ALK: variants seen among roughly 807,000 people sequenced by gnomAD.
ALK encodes ALK tyrosine kinase receptor.
In ALK, 74 loss-of-function variants were observed where a neutral mutation model predicts 163.1. That is an observed-to-expected ratio of 0.45 (90% CI 0.38 to 0.55). ALK has a LOEUF of 0.55. ALK is among the 20% of genes least tolerant of loss of function. The pLI, the probability that ALK is intolerant of heterozygous loss-of-function variation, is 0.00. For missense variants in ALK, 2,063 were observed against 2,105.3 expected (o/e 0.98, Z 0.39); for synonymous variants, 960 against 843.2 (o/e 1.14, Z -2.40).
chr2:29,405,098 A>C (rs1046238890), intron 4 of ALK, among the ~76,000 whole-genome samples: 35 of 152,198 alleles, frequency 2.3e-4, no homozygotes, highest in African/African-American at 8.2e-4. Flanking sequence ...TCTTTTTGAC[A>C]ATGTCTCTTT....
At chr2:29,746,155 T>C (rs1680203175) in intron 1 of ALK, among the ~76,000 whole-genome samples, 2 of 152,098 alleles carry the variant, frequency 1.3e-5, no homozygotes, top group African/African-American at 4.8e-5. Context: ...CTAACACCAC[T>C]AGAAAGAAGC....
At chr2:29,643,631 A>G (rs2148247546) in intron 3 of ALK, among the ~76,000 whole-genome samples, 1 of 152,302 alleles carries the variant, frequency 6.6e-6, no homozygotes, top group East Asian at 1.9e-4. Flanking sequence ...GAGGCCATTT[A>G]TAACTGTGGC....
intron 1 of ALK, among the ~76,000 whole-genome samples, chr2:29,760,160 C>T (rs926644748): frequency 6.6e-6 from 1 of 151,990 alleles, no homozygotes; most frequent in Non-Finnish European, 1.5e-5. Flanking sequence ...CTAGCCAGTG[C>T]CCCCCTACAC....
At chr2:29,355,337 A>G (rs1042877076) in intron 5 of ALK, among the ~76,000 whole-genome samples, 6 of 152,138 alleles carry the variant, frequency 3.9e-5, no homozygotes, top group Admixed American at 3.3e-4. Context: ...AGGTCCCCAC[A>G]TTCCCACTCC....
In ALK at chr2:29,229,045, T is replaced by C. The variant is rs745406091; in HGVS notation, c.2654A>G (p.Asp885Gly). 3.3e-5 allele frequency: 54 copies of C among 1,613,512 alleles called. No homozygotes were observed. The highest frequency in any genetic ancestry group is 1.6e-4 in the Middle Eastern group (1 of 6,084). ...GAAGGGGGWN[D>G]NTSLLWAGKS... Reference sequence around the variant, plus strand: ...TCCGGCCCAGAGCAAGGAAGTGTTATCATTCCAGCCACCTCCACCACCTGC... The same window carrying C: ...TCCGGCCCAGAGCAAGGAAGTGTTACCATTCCAGCCACCTCCACCACCTGC... Residue 885 changes from aspartate (D) to glycine (G), a missense_variant, in exon 16 of 29, where the codon GAT (aspartate) becomes GGT (glycine). This residue lies in a region of ALK where 575 missense variants were observed against 626.6 expected (regional missense o/e 0.92). Coordinates refer to ENST00000389048, the MANE Select transcript of ALK (RefSeq NM_004304.5).
At chr2:29,576,370 T>C (rs1217845643) in intron 3 of ALK, among the ~76,000 whole-genome samples, 1 of 152,180 alleles carries the variant, frequency 6.6e-6, no homozygotes, top group African/African-American at 2.4e-5. Flanking sequence ...TGGGTGTTGC[T>C]CTACATTTTC....
chr2:29,629,585 T>G (rs1221048190), intron 3 of ALK, among the ~76,000 whole-genome samples: 1 of 152,190 alleles, frequency 6.6e-6, no homozygotes, highest in Non-Finnish European at 1.5e-5. Context: ...CTAGCACAGA[T>G]TCTAAGAAAT....
At chr2:29,396,492 G>A (rs1291272282) in intron 4 of ALK, among the ~76,000 whole-genome samples, 1 of 152,092 alleles carries the variant, frequency 6.6e-6, no homozygotes, top group Non-Finnish European at 1.5e-5. Context: ...TGACCAACAT[G>A]GTGAAACCCT....
At chr2:29,721,072 A>G (rs938998443) in intron 1 of ALK, among the ~76,000 whole-genome samples, 1 of 152,216 alleles carries the variant, frequency 6.6e-6, no homozygotes, top group African/African-American at 2.4e-5. Context: ...AAGGAGGAAG[A>G]AATATACCTG....
intron 4 of ALK, among the ~76,000 whole-genome samples, chr2:29,507,538 C>T (rs10203670): frequency 0.16 from 23,922 of 152,126 alleles, 2,565 homozygotes; most frequent in African/African-American, 0.3. Context: ...ATTTTATGTG[C>T]ATTTTACCAC....
intron 3 of ALK, among the ~76,000 whole-genome samples, chr2:29,622,758 A>G (rs776691860): frequency 9.9e-5 from 15 of 152,012 alleles, no homozygotes; most frequent in Non-Finnish European, 2.1e-4. Flanking sequence ...TTCCCTTTGT[A>G]TGGAACAACC....
chr2:29,532,086 T>A lies in ALK; in HGVS notation c.983A>T (p.Asp328Val), dbSNP rs556138942. The A allele has an allele frequency of 6.2e-7, 1 of 1,612,380 alleles. No individual in the cohort carries two copies. Among genetic ancestry groups the A allele is most frequent in the Non-Finnish European group, 8.5e-7 (1 of 1,179,726 alleles). Residue 328 changes from aspartate to valine, a missense_variant, in exon 4 of 29, where the codon GAC becomes GTC. By Grantham distance (152) the Asp-to-Val change is radical (BLOSUM62 -3). Around this residue, in one of 5 missense-constraint regions of ALK, gnomAD observed 987 missense variants for 939.5 expected, o/e 1.05. Coordinates refer to ENST00000389048, the MANE Select transcript of ALK (RefSeq NM_004304.5). ...CGGACTCAGGATGGTGTGCTTGGAG[T>A]CAGCTGAGGTGTTGAGAAGGAGAAA... ...GSFLLLNTSA[D>V]SKHTILSPWM...
intron 5 of ALK, among the ~76,000 whole-genome samples, chr2:29,365,134 AG>A (rs1195488119): frequency 6.6e-6 from 1 of 152,208 alleles, no homozygotes; most frequent in East Asian, 1.9e-4. Flanking sequence ...TTTACCATCT[AG>A]ATTAGCAGGA....
chr2:29,496,640 A>G (rs1196295415), intron 4 of ALK, among the ~76,000 whole-genome samples: 4 of 152,230 alleles, frequency 2.6e-5, no homozygotes, highest in Non-Finnish European at 5.9e-5. Flanking sequence ...GCAATCATAT[A>G]TAAGTTTATG....
intron 4 of ALK, among the ~76,000 whole-genome samples, chr2:29,471,740 CTTT>C (rs112148653): frequency 2.1e-5 from 3 of 145,650 alleles, no homozygotes; most frequent in Non-Finnish European, 1.5e-5. Flanking sequence ...ACTTTCTTTT[CTTT>C]TTTTTTTTTT....
At chr2:29,393,000 C>T (rs1246752349) in intron 4 of ALK, among the ~76,000 whole-genome samples, 1 of 151,948 alleles carries the variant, frequency 6.6e-6, no homozygotes, top group Non-Finnish European at 1.5e-5. Context: ...ACTGAATGCT[C>T]AAGGTCACTG....
At chr2:29,314,947 C>G (rs921464530) in intron 8 of ALK, among the ~76,000 whole-genome samples, 1 of 152,164 alleles carries the variant, frequency 6.6e-6, no homozygotes, top group African/African-American at 2.4e-5. Flanking sequence ...TCGAGCAGGT[C>G]TGACAGCAAG....
rs201536839 is a variant in ALK, at chr2:29,239,642, C to G, written c.2355+38G>C. ...TCCAAGAGGCCTTCCCGGGGCCTGA[C>G]AGAGTGCAGACGAGAAACCCCTGCT... is the stretch of plus-strand genomic sequence containing the variant. On this transcript the variant is annotated intron_variant, in intron 13 of 28. Coordinates refer to ENST00000389048, the MANE Select transcript of ALK (RefSeq NM_004304.5). 468 of 1,611,990 alleles carry G rather than the reference C, an allele frequency of 2.9e-4. 1 individual carries two copies. The African/African-American group carries it at 5.4e-3, about 19-fold the overall frequency.
chr2:29,554,169 G>C (rs1482995337), intron 3 of ALK, among the ~76,000 whole-genome samples: 1 of 152,000 alleles, frequency 6.6e-6, no homozygotes, highest in African/African-American at 2.4e-5. Flanking sequence ...TCACTGTAAA[G>C]GTATACCTTG....
Sources: allele counts gnomAD v4.1 joint callset (sites outside exome capture counted in the v4.1 genomes callset), GRCh38; gene constraint gnomAD v4.1.1; regional missense constraint gnomAD v4.1.1; transcripts MANE v1.5; gene names NCBI Gene and HGNC (gene_info 2026-07-23, HGNC 2026-07-21).